The following ANTXR2 variants were observed in gnomAD, a reference collection of about 807,000 sequenced individuals.
ANTXR2 encodes the protein anthrax toxin receptor 2.
ANTXR2 carries 44 observed loss-of-function variants against 73.7 expected under a neutral mutation model. The ratio of observed to expected loss-of-function variants is 0.60; its 90% confidence interval spans 0.47 to 0.77. ANTXR2 has a LOEUF of 0.77. Ranked by LOEUF, ANTXR2 falls within the 30% of genes least tolerant of loss-of-function variation. The pLI, the probability that ANTXR2 is intolerant of heterozygous loss-of-function variation, is 0.00. For synonymous variants in ANTXR2, 217 were observed against 205.9 expected (o/e 1.05, Z -0.46); for missense variants, 604 against 592.5 (o/e 1.02, Z -0.20).
At chr4:79,929,003 G>A (rs972396541) in intron 16 of ANTXR2, among the ~76,000 whole-genome samples, 2 of 152,270 alleles carry the variant, frequency 1.3e-5, no homozygotes, top group East Asian at 3.9e-4. Context: ...GTAATAATTG[G>A]AGAAGAAGTA....
rs1026592501 is a variant in ANTXR2, at chr4:79,905,003, T to C, written c.*2426A>G. 3.3e-5 allele frequency: 5 copies of C among 152,162 alleles called. No individual in the cohort carries two copies. The highest frequency in any genetic ancestry group is 9.6e-5 in the African/African-American group (4 of 41,454). 9.4% of individuals were successfully genotyped at this position (152,162 alleles called of 1,614,324 possible). The stretch of plus-strand genomic sequence containing the variant: ...ATCTGGTTCATATCTTTAAGGGCAA[T>C]GAAATTCCATCAGTCTTTGAACTTT... On this transcript the variant is annotated 3_prime_UTR_variant, in exon 17 of 17. Transcript: ENST00000403729.
intron 3 of ANTXR2, among the ~76,000 whole-genome samples, chr4:80,058,039 G>C (rs1323454965): frequency 6.6e-6 from 1 of 151,954 alleles, no homozygotes; most frequent in Non-Finnish European, 1.5e-5. Flanking sequence ...CAAATATTTG[G>C]TGCTTTTCAG....
intron 3 of ANTXR2, 94 bp downstream of exon 3, chr4:80,069,342 C>T: frequency 1.0e-6 from 1 of 979,966 alleles, no homozygotes; most frequent in South Asian, 1.5e-5. Flanking sequence ...TGCTTGATTC[C>T]ACTGAGAGGC....
intron 12 of ANTXR2, among the ~76,000 whole-genome samples, chr4:79,990,629 C>T (rs1177911914): frequency 6.6e-6 from 1 of 151,958 alleles, no homozygotes; most frequent in East Asian, 1.9e-4. Context: ...TTAGAGAAAA[C>T]TATTATAAAA....
At chr4:80,060,351 C>A (rs1734187219) in intron 3 of ANTXR2, among the ~76,000 whole-genome samples, 2 of 152,190 alleles carry the variant, frequency 1.3e-5, no homozygotes, top group African/African-American at 4.8e-5. Flanking sequence ...TTCTAATGCG[C>A]TGCCAGGATT....
intron 11 of ANTXR2, among the ~76,000 whole-genome samples, chr4:80,018,123 A>G (rs1449606477): frequency 1.3e-5 from 2 of 152,192 alleles, no homozygotes; most frequent in African/African-American, 4.8e-5. Context: ...ATGTGAGAAA[A>G]TGTTTAGGTT....
At chr4:79,977,312 G>T (rs1338098892) in intron 16 of ANTXR2, among the ~76,000 whole-genome samples, 1 of 152,182 alleles carries the variant, frequency 6.6e-6, no homozygotes, top group Non-Finnish European at 1.5e-5. Flanking sequence ...CTAACTCCCA[G>T]TCTGTTGGAA....
In ANTXR2 at chr4:79,924,735, G is replaced by C. The variant is rs1251490165; in HGVS notation, c.1429-17268C>G. On this transcript the variant is annotated intron_variant, in intron 16 of 16. Transcript: ENST00000403729. ...CTACAAAAAATCTAGTGTTCACAAA[G>C]CTTACTTCCTTTAAATTTAATCTCT... is the stretch of plus-strand genomic sequence containing the variant. Among the ~76,000 whole-genome samples the C allele has an allele frequency of 2.6e-5, 4 of 152,106 alleles. No homozygotes were observed. The East Asian group carries it at 7.7e-4, about 29-fold the overall frequency.
rs545030353 is a variant in ANTXR2 at position 79,980,642 on chromosome 4, G to C, written c.1180-2468C>G. On this transcript the variant is annotated intron_variant, in intron 14 of 16. Coordinates refer to ENST00000403729, the MANE Select transcript of ANTXR2 (RefSeq NM_058172.6). ...AGAATCGAGAAAAGAAACAAAAACA[G>C]TTTCACACTGAATTGGCAGAAACAC... is the stretch of plus-strand genomic sequence containing the variant. 2.2e-4 allele frequency among the ~76,000 whole-genome samples: 34 copies of C among 152,186 alleles called. No individual in the cohort carries two copies. The South Asian group carries it at 6.6e-3, about 30-fold the overall frequency.
chr4:80,050,837 C>T (rs556544339), intron 7 of ANTXR2, among the ~76,000 whole-genome samples: 8 of 151,744 alleles, frequency 5.3e-5, no homozygotes, highest in African/African-American at 1.4e-4. Flanking sequence ...TCTTCCTAAA[C>T]CTGCATGGCC....
In ANTXR2 at chr4:80,055,921, A is replaced by G; in HGVS notation, c.378+11T>C. On this transcript the variant is annotated intron_variant, in intron 4 of 16. Transcript: ENST00000403729. ...ATTCTCTCCCATATTTACAAATGTA[A>G]AATAACTTACTAGCTTTAGTCCTTC... 1.3e-6 allele frequency: 2 copies of G among 1,500,996 alleles called. No individual in the cohort carries two copies. The highest frequency in any genetic ancestry group is 9.0e-7 in the Non-Finnish European group (1 of 1,115,614). The allele number at this position is 1,500,996 out of a possible 1,614,324, so 93.0% of individuals were successfully genotyped here.
intron 16 of ANTXR2, among the ~76,000 whole-genome samples, chr4:79,929,254 C>T (rs1727962242): frequency 6.6e-6 from 1 of 152,120 alleles, no homozygotes; most frequent in Admixed American, 6.6e-5. Context: ...GTGGCTCACC[C>T]CTGTAATCCC....
chr4:79,986,655 A>G (rs1210099012), intron 12 of ANTXR2, among the ~76,000 whole-genome samples: 11 of 152,016 alleles, frequency 7.2e-5, no homozygotes, highest in Admixed American at 4.6e-4. Flanking sequence ...TCGCCCCACT[A>G]GTGTGCACTC....
chr4:80,000,002 T>C (rs1313586589), intron 12 of ANTXR2, among the ~76,000 whole-genome samples: 1 of 152,054 alleles, frequency 6.6e-6, no homozygotes, highest in Non-Finnish European at 1.5e-5. Context: ...GCTAATATTT[T>C]TGTGGGCAGG....
intron 11 of ANTXR2, among the ~76,000 whole-genome samples, chr4:80,018,068 G>A (rs1435991619): frequency 1.3e-5 from 2 of 152,012 alleles, no homozygotes; most frequent in African/African-American, 4.8e-5. Context: ...GGTATCTCTC[G>A]AATTAGTAGA....
intron 11 of ANTXR2, among the ~76,000 whole-genome samples, chr4:80,017,615 A>G (rs1188004306): frequency 6.6e-6 from 1 of 152,184 alleles, no homozygotes; most frequent in Non-Finnish European, 1.5e-5. Flanking sequence ...GGATAGGAAC[A>G]AAGACCTGTT....
At chr4:80,065,550 C>T (rs1734457796) in intron 3 of ANTXR2, among the ~76,000 whole-genome samples, 1 of 152,110 alleles carries the variant, frequency 6.6e-6, no homozygotes, top group South Asian at 2.1e-4. Flanking sequence ...GAAAAGAAGG[C>T]AGTGTTTCAA....
chr4:79,966,373 T>C (rs960606338), intron 16 of ANTXR2, among the ~76,000 whole-genome samples: 1 of 152,212 alleles, frequency 6.6e-6, no homozygotes, highest in African/African-American at 2.4e-5. Context: ...TTTAATTTTT[T>C]ACCAACTAAC....
intron 12 of ANTXR2, among the ~76,000 whole-genome samples, chr4:80,005,447 C>T (rs902231125): frequency 1.6e-4 from 25 of 152,024 alleles, no homozygotes; most frequent in African/African-American, 1.4e-4. Flanking sequence ...AATAATTTAA[C>T]GCTACTAAGA....
Sources: allele counts gnomAD v4.1 joint callset (sites outside exome capture counted in the v4.1 genomes callset), GRCh38; gene constraint gnomAD v4.1.1; transcripts MANE v1.5; gene names NCBI Gene and HGNC (gene_info 2026-07-23, HGNC 2026-07-21).